The following CEP162 variants were observed in gnomAD, a reference collection of about 807,000 sequenced individuals.
CEP162 encodes the protein centrosomal protein 162.
In CEP162, 141 loss-of-function variants were observed where a neutral mutation model predicts 169.2. The ratio of observed to expected loss-of-function variants is 0.83; its 90% confidence interval spans 0.73 to 0.96. CEP162 has a LOEUF of 0.96. Ranked by LOEUF, CEP162 falls within the 40% of genes least tolerant of loss-of-function variation. The pLI, the probability that CEP162 is intolerant of heterozygous loss-of-function variation, is 0.00. For missense variants in CEP162, 1,600 were observed against 1,587.2 expected (o/e 1.01, Z -0.14); for synonymous variants, 540 against 526.4 (o/e 1.03, Z -0.35).
intron 11 of CEP162, among the ~76,000 whole-genome samples, chr6:84,189,301 T>A (rs1347241097): frequency 6.6e-6 from 1 of 152,150 alleles, no homozygotes; most frequent in Non-Finnish European, 1.5e-5. Context: ...CCCACTGCAC[T>A]GTGGGAGCCC....
intron 12 of CEP162, among the ~76,000 whole-genome samples, chr6:84,185,995 A>G (rs1416103902): frequency 1.3e-5 from 2 of 152,166 alleles, no homozygotes; most frequent in Non-Finnish European, 2.9e-5. Flanking sequence ...AACTTAAAAA[A>G]TACAAATGAC....
At chr6:84,206,946 T>C (rs917778073) in intron 6 of CEP162, among the ~76,000 whole-genome samples, 6 of 152,234 alleles carry the variant, frequency 3.9e-5, no homozygotes, top group Admixed American at 3.9e-4. Context: ...AAGACATTTA[T>C]GCAGACAACA....
intron 5 of CEP162, among the ~76,000 whole-genome samples, chr6:84,214,054 G>A (rs1306449852): frequency 6.6e-6 from 1 of 152,156 alleles, no homozygotes; most frequent in Admixed American, 6.5e-5. Flanking sequence ...TGAGACAGGT[G>A]GATCACAAGG....
At chr6:84,163,412 C>G in intron 18 of CEP162, 142 bp from the exon 19 acceptor site, 1 of 629,066 alleles carries the variant, frequency 1.6e-6, no homozygotes, top group African/African-American at 1.8e-5. Context: ...TACCACCTGC[C>G]CCACCCCAGA....
intron 11 of CEP162, among the ~76,000 whole-genome samples, chr6:84,192,992 T>C (rs549037098): frequency 1.3e-5 from 2 of 152,374 alleles, no homozygotes; most frequent in East Asian, 3.9e-4. Flanking sequence ...GGTGCATTTC[T>C]TGAATTATGG....
At chr6:84,133,266 C>A (rs1443213016) in intron 25 of CEP162, among the ~76,000 whole-genome samples, 1 of 152,158 alleles carries the variant, frequency 6.6e-6, no homozygotes, top group Non-Finnish European at 1.5e-5. Context: ...TGTCAGTTGG[C>A]CCCTATTGGG....
chr6:84,187,082 G>A (rs957934317), intron 11 of CEP162, among the ~76,000 whole-genome samples: 2 of 152,068 alleles, frequency 1.3e-5, no homozygotes, highest in Admixed American at 1.3e-4. Flanking sequence ...AGGAGGCATA[G>A]AGTATAAATA....
At chr6:84,193,416 G>T (rs1308865167) in intron 11 of CEP162, among the ~76,000 whole-genome samples, 193 bp downstream of exon 11, 1 of 152,068 alleles carries the variant, frequency 6.6e-6, no homozygotes, top group African/African-American at 2.4e-5. Flanking sequence ...TTTTTTTATA[G>T]CATCTATTTA....
At chr6:84,208,704 T>C (rs985783000) in intron 6 of CEP162, among the ~76,000 whole-genome samples, 3 of 152,248 alleles carry the variant, frequency 2.0e-5, no homozygotes, top group East Asian at 3.8e-4. Flanking sequence ...GTTGGTTAAC[T>C]ATGTCAATAT....
intron 5 of CEP162, 89 bp downstream of exon 5, chr6:84,215,190 TATA>T (rs1250803601): frequency 3.3e-6 from 2 of 607,642 alleles, no homozygotes; most frequent in Non-Finnish European, 5.2e-6. Flanking sequence ...GTTTGCCTGT[TATA>T]ATGTTTACCT....
chr6:84,158,576 T>A (rs2099524156), intron 21 of CEP162, among the ~76,000 whole-genome samples: 1 of 152,162 alleles, frequency 6.6e-6, no homozygotes, highest in African/African-American at 2.4e-5. Context: ...TATTGATATA[T>A]CATAAATTGG....
intron 3 of CEP162, chr6:84,219,056 G>A: frequency 5.1e-6 from 3 of 585,488 alleles, no homozygotes; most frequent in Non-Finnish European, 7.6e-6. Context: ...TGGGAAACAA[G>A]CAAAATTATA....
chr6:84,216,808 T>C (rs1211836014), intron 3 of CEP162, among the ~76,000 whole-genome samples: 8 of 152,120 alleles, frequency 5.3e-5, no homozygotes, highest in Admixed American at 4.6e-4. Flanking sequence ...AGAGAGAATA[T>C]TGATGAAAAA....
Position 84,215,552 on chromosome 6 carries a change from T to C in CEP162, c.320-87A>G, listed in dbSNP as rs936930386. The C allele has an allele frequency of 3.2e-6, 4 of 1,240,096 alleles. No homozygotes were observed. In the African/African-American group the frequency reaches 6.1e-5, roughly 19 times the overall value. 76.8% of individuals were successfully genotyped at this position (1,240,096 alleles called of 1,614,324 possible). ...TGATGCATTTATTGACATTATGTAGTAAATTTTAAAAATTTTACAAATATT... is the reference window on the plus strand; with the variant it reads ...TGATGCATTTATTGACATTATGTAGCAAATTTTAAAAATTTTACAAATATT... On this transcript the variant is annotated intron_variant, in intron 4 of 26. Transcript: ENST00000403245.
intron 26 of CEP162, 27 bp downstream of exon 26, chr6:84,126,351 T>A: frequency 6.5e-7 from 1 of 1,534,578 alleles, no homozygotes; most frequent in Non-Finnish European, 8.8e-7. Flanking sequence ...AAGACCTATA[T>A]AAATATGTAA....
chr6:84,175,942 A>T (rs952548331), intron 13 of CEP162, among the ~76,000 whole-genome samples: 8 of 152,084 alleles, frequency 5.3e-5, no homozygotes, highest in African/African-American at 1.4e-4. Flanking sequence ...AGTGATTAAT[A>T]TATATTCTGT....
intron 22 of CEP162, among the ~76,000 whole-genome samples, chr6:84,155,077 A>C (rs2099522628): frequency 6.6e-6 from 1 of 152,204 alleles, no homozygotes; most frequent in Non-Finnish European, 1.5e-5. Context: ...GAGATGATGT[A>C]AAGATTATCC....
intron 25 of CEP162, among the ~76,000 whole-genome samples, chr6:84,136,992 T>C (rs2099514406): frequency 6.6e-6 from 1 of 152,210 alleles, no homozygotes; most frequent in African/African-American, 2.4e-5. Flanking sequence ...ATGCTGACTC[T>C]TGTAACTGAG....
chr6:84,145,608 A>G (rs2099518498), intron 25 of CEP162, among the ~76,000 whole-genome samples: 1 of 152,072 alleles, frequency 6.6e-6, no homozygotes, highest in Non-Finnish European at 1.5e-5. Flanking sequence ...AATCTGGTCT[A>G]GATCTCTGTC....
Sources: gnomAD v4.1 joint callset for allele counts (sites outside exome capture counted in the v4.1 genomes callset) on GRCh38, gnomAD v4.1.1 for gene constraint, MANE v1.5 for transcripts, NCBI Gene and HGNC (gene_info 2026-07-23, HGNC 2026-07-21) for gene names.